Variants in MORN1 observed in about 807,000 individuals in gnomAD.
MORN1 encodes the protein MORN repeat-containing protein 1.
A neutral mutation model predicts 61.9 loss-of-function variants in MORN1; 67 were observed. The observed-to-expected ratio is 1.08, with a 90% CI of 0.89 to 1.33. MORN1 has a LOEUF of 1.33. Ranked by LOEUF, MORN1 falls within the 40% of genes most tolerant of loss-of-function variation. MORN1 has a pLI of 0.00. For synonymous variants in MORN1, 301 were observed against 292.0 expected (o/e 1.03, Z -0.31); for missense variants, 752 against 691.2 (o/e 1.09, Z -0.99).
chr1:2,341,763 C>T (rs182571274), intron 10 of MORN1, among the ~76,000 whole-genome samples: 3 of 152,174 alleles, frequency 2.0e-5, no homozygotes, highest in Admixed American at 6.5e-5. Flanking sequence ...AGGCATTAAA[C>T]TCAGAAAAGC....
At chr1:2,355,439 C>T (rs774104841) in intron 10 of MORN1, 45 of 1,550,334 alleles carry the variant, frequency 2.9e-5, no homozygotes, top group East Asian at 7.3e-5. Context: ...GAAGGAGACT[C>T]GTCTGATCCT....
At chr1:2,323,361 A>G in intron 13 of MORN1, 1 of 985,414 alleles carries the variant, frequency 1.0e-6, no homozygotes, top group Non-Finnish European at 1.2e-6. Context: ...CAGACCTTCC[A>G]GCCTTTGGCT....
chr1:2,373,701 G>C (rs1380545208), intron 7 of MORN1, among the ~76,000 whole-genome samples: 2 of 152,184 alleles, frequency 1.3e-5, no homozygotes, highest in Non-Finnish European at 2.9e-5. Context: ...CCACCTCTCA[G>C]TGCTCCCCAG....
intron 8 of MORN1, among the ~76,000 whole-genome samples, chr1:2,361,842 T>C (rs993316505): frequency 2.0e-5 from 3 of 152,242 alleles, no homozygotes; most frequent in Non-Finnish European, 4.4e-5. Flanking sequence ...ACAGAAACTG[T>C]TGATTAACAC....
intron 10 of MORN1, chr1:2,355,308 T>TG (rs1223576872): frequency 4.2e-5 from 62 of 1,469,454 alleles, no homozygotes; most frequent in Non-Finnish European, 5.5e-5. Context: ...GCCTGAGGCT[T>TG]GGCCGCCTTG....
intron 6 of MORN1, among the ~76,000 whole-genome samples, chr1:2,380,295 T>C (rs980803412): frequency 4.6e-5 from 7 of 152,060 alleles, no homozygotes; most frequent in Admixed American, 3.9e-4. Flanking sequence ...GTGGATGTGG[T>C]TGTGGCTACA....
In MORN1 at chr1:2,389,959, T is replaced by C. The variant is rs777962186; in HGVS notation, c.114A>G (p.Arg38=). 4.3e-6 allele frequency: 7 copies of C among 1,613,914 alleles called. No homozygotes were observed. The Admixed American group carries it at 5.0e-5, about 12-fold the overall frequency. The change falls in exon 2 of 14, where the codon CGA becomes CGG. Residue 38 remains arginine (R), a synonymous_variant. Transcript: ENST00000378531. ...TCCCTGCTTTCCATTCTCCTTCATA[T>C]CGAAAGAAGGAATTTGGGTATACGT... is the stretch of plus-strand genomic sequence containing the variant. ...GVYVYPNSFF[R]YEGEWKAGRK...
rs2100232658 is a variant in MORN1 at position 2,328,482 on chromosome 1, C to T, written c.1251-4339G>A. 2.6e-5 allele frequency among the ~76,000 whole-genome samples: 4 copies of T among 152,282 alleles called. 1 individual carries two copies. The South Asian group carries it at 8.3e-4, about 32-fold the overall frequency. ...CAGGATGTGCCGGGAGCCAGTGAGG[C>T]AAGAGTCAAGGAAGACACAATCAGG... On this transcript the variant is annotated intron_variant, in intron 12 of 13. Coordinates refer to ENST00000378531, the MANE Select transcript of MORN1 (RefSeq NM_024848.3).
rs934868320 is a variant in MORN1 at position 2,374,684 on chromosome 1, C to T, written c.538-127G>A. Reference sequence around the variant, plus strand: ...ACCAAAGGCTGCTAGAAAACCACATCGTCTCGAGGGTCCTTGCAGCCTGTC... The same window carrying T: ...ACCAAAGGCTGCTAGAAAACCACATTGTCTCGAGGGTCCTTGCAGCCTGTC... On this transcript the variant is annotated intron_variant, in intron 6 of 13. Transcript: ENST00000378531. 3.0e-5 allele frequency: 21 copies of T among 710,848 alleles called. No homozygotes were observed. The East Asian group carries it at 4.1e-4, about 14-fold the overall frequency. The allele number at this position is 710,848 out of a possible 1,614,324, so 44.0% of individuals were successfully genotyped here.
rs1557898755 is a variant in MORN1, at chr1:2,391,500, G to A, written c.34C>T (p.Arg12Cys). The change falls in exon 1 of 14, where the codon CGC becomes TGC. Residue 12 changes from arginine to cysteine, a missense_variant. Arg to Cys is a radical substitution (Grantham distance 180, BLOSUM62 -3). Transcript: ENST00000378531. Reference protein sequence around the residue: ...AAAGEGTPSSRGPRRDPPRRP... With the variant: ...AAAGEGTPSSCGPRRDPPRRP... ...CTAGGCGGGTCCCGACGCGGCCCGCGGGAGCTCGGGGTGCCCTCGCCCGCC... is the reference window on the plus strand; with the variant it reads ...CTAGGCGGGTCCCGACGCGGCCCGCAGGAGCTCGGGGTGCCCTCGCCCGCC... The A allele has an allele frequency of 8.0e-7, 1 of 1,250,710 alleles. No individual in the cohort carries two copies. The highest frequency in any genetic ancestry group is 1.0e-6 in the Non-Finnish European group (1 of 991,752). 77.5% of individuals were successfully genotyped at this position (1,250,710 alleles called of 1,614,324 possible).
chr1:2,328,643 C>T lies in MORN1; in HGVS notation c.1251-4500G>A, dbSNP rs968757804. Among the ~76,000 whole-genome samples the T allele has an allele frequency of 3.9e-5, 6 of 152,350 alleles. No individual in the cohort carries two copies. The South Asian group carries it at 6.2e-4, about 16-fold the overall frequency. ...CCTGTGAAAGTCTGAAAATCAGGGCCCTTGGCCGCAGATCTGGGGCCAGCT... is the reference window on the plus strand; with the variant it reads ...CCTGTGAAAGTCTGAAAATCAGGGCTCTTGGCCGCAGATCTGGGGCCAGCT... On this transcript the variant is annotated intron_variant, in intron 12 of 13. Transcript: ENST00000378531.
chr1:2,322,462 C>A, intron 13 of MORN1: 4 of 985,390 alleles, frequency 4.1e-6, no homozygotes, highest in Non-Finnish European at 4.8e-6. Flanking sequence ...CTCGGCCAGG[C>A]CACGGGCTCG....
At chr1:2,322,963 CCATACGTA>C (rs1557863810) in intron 13 of MORN1, 3 of 985,332 alleles carry the variant, frequency 3.0e-6, no homozygotes, top group Non-Finnish European at 3.6e-6. Flanking sequence ...AGGGCCTCGG[CCATACGTA>C]CATGGCTTAG....
chr1:2,387,366 C>T, intron 4 of MORN1, 53 bp downstream of exon 4: 3 of 1,323,852 alleles, frequency 2.3e-6, no homozygotes, highest in Non-Finnish European at 3.3e-6. Flanking sequence ...CGTAGGATTC[C>T]ATGTCCTGAA....
In MORN1 at chr1:2,322,761, G is replaced by A. The variant is rs1049762474; in HGVS notation, c.1298-1182C>T. 2.8e-5 allele frequency: 28 copies of A among 985,304 alleles called. No homozygotes were observed. The South Asian group carries it at 3.8e-4, about 13-fold the overall frequency. The allele number at this position is 985,304 out of a possible 1,614,324, so 61.0% of individuals were successfully genotyped here. ...CAGCTATACCAGTGGTGGCCAAGGC[G>A]CTGGCCGGGGGGCCGAGAGCTCAGT... On this transcript the variant is annotated intron_variant, in intron 13 of 13. Coordinates refer to ENST00000378531, the MANE Select transcript of MORN1 (RefSeq NM_024848.3).
chr1:2,331,204 C>T (rs1367085417), intron 12 of MORN1, among the ~76,000 whole-genome samples: 1 of 152,190 alleles, frequency 6.6e-6, no homozygotes, highest in Admixed American at 6.5e-5. Context: ...AGCGACTTGG[C>T]AGCCAGATTC....
intron 13 of MORN1, chr1:2,322,940 C>T: frequency 3.0e-6 from 3 of 985,446 alleles, no homozygotes; most frequent in South Asian, 9.4e-5. Context: ...TAGCCCTGGG[C>T]CAGCTCTCAC....
Position 2,336,707 on chromosome 1 carries a change from G to C in MORN1, c.1170+10C>G. On this transcript the variant is annotated intron_variant, in intron 11 of 13. Transcript: ENST00000378531. The stretch of plus-strand genomic sequence containing the variant: ...GTGGGGTGGCCTCCCCGCCCCCCGT[G>C]GGCACCCACCTTGTGGAGGCTGTCC... The C allele has an allele frequency of 1.9e-6, 3 of 1,553,076 alleles. No individual in the cohort carries two copies. The highest frequency in any genetic ancestry group is 2.6e-6 in the Non-Finnish European group (3 of 1,148,604).
rs1181258049 is a variant in MORN1, at chr1:2,357,240, C to A, written c.1036+192G>T. ...GACGAACAATCGGCTTGAGCCTCCG[C>A]AGCCACCCGTGACTGCTTGTCTGGG... On this transcript the variant is annotated intron_variant, in intron 10 of 13. Transcript: ENST00000378531. This position sits in a 1 kb window ranked among gnomAD's most constrained non-coding sequence, Gnocchi z 6.3. Among the ~76,000 whole-genome samples, 1 of 152,210 alleles carries A rather than the reference C, an allele frequency of 6.6e-6. No individual in the cohort carries two copies. Among genetic ancestry groups the A allele is most frequent in the Non-Finnish European group, 1.5e-5 (1 of 68,028 alleles).
Sources: gnomAD v4.1 joint callset for allele counts (sites outside exome capture counted in the v4.1 genomes callset) on GRCh38, gnomAD v4.1.1 for gene constraint, Gnocchi (gnomAD v3.1) non-coding constraint, MANE v1.5 for transcripts, NCBI Gene and HGNC (gene_info 2026-07-23, HGNC 2026-07-21) for gene names.